The following FGF14 variants were observed in gnomAD, a reference collection of about 807,000 sequenced individuals.
FGF14 encodes the protein fibroblast growth factor homologous factor 4.
Under a neutral mutation model 25.5 loss-of-function variants are expected in FGF14, and 5 were observed. That is an observed-to-expected ratio of 0.20 (90% CI 0.10 to 0.41). The LOEUF (loss-of-function observed/expected upper bound fraction) is 0.41, where lower values mean the gene tolerates loss of function less well. Ranked by LOEUF, FGF14 falls within the 10% of genes least tolerant of loss-of-function variation. The pLI, the probability that FGF14 is intolerant of heterozygous loss-of-function variation, is 1.00. For synonymous variants in FGF14, 138 were observed against 118.3 expected, an observed-to-expected ratio of 1.17 and a Z score of -1.08; for missense variants, 222 against 320.1, an observed-to-expected ratio of 0.69 and a Z score of 2.34.
rs146711462 is a variant in FGF14, at chr13:101,788,490, G to A, written c.409-61680C>T. 2.7e-3 allele frequency among the ~76,000 whole-genome samples: 409 copies of A among 152,208 alleles called. 3 individuals carry two copies. The highest frequency in any genetic ancestry group is 9.3e-3 in the African/African-American group (388 of 41,554). On this transcript the variant is annotated intron_variant, in intron 3 of 4. Coordinates refer to ENST00000376143, the MANE Select transcript of FGF14 (RefSeq NM_004115.4). The stretch of plus-strand genomic sequence containing the variant: ...GAAATATCTGCTAGTATAATAAAAA[G>A]AGGCAGTTTTGAGATAGAATGCTGG...
intron 1 of FGF14, among the ~76,000 whole-genome samples, chr13:102,047,998 G>A (rs1187750530): frequency 1.1e-4 from 16 of 150,636 alleles, no homozygotes; most frequent in East Asian, 7.8e-4. Context: ...TTCTAAGCCC[G>A]GTTTATTATC....
In FGF14 at chr13:102,161,658, GA is replaced by G. The variant is rs1237708627; in HGVS notation, c.208+239812del. ...AGAAGAAGAAGAAGAAGAAGAAGAA[GA>G]AGAAGAAGAAGAAGAAGAAGAAGAA... On this transcript the variant is annotated intron_variant, in intron 1 of 4. Coordinates refer to the FGF14 transcript ENST00000376131. Among the ~76,000 whole-genome samples the G allele has an allele frequency of 3.9e-4, 8 of 20,548 alleles. 1 individual carries two copies. The highest frequency in any genetic ancestry group is 3.2e-3 in the South Asian group (2 of 626). The allele number at this position is 20,548 out of a possible 152,430, so 13.5% of individuals were successfully genotyped here.
upstream of FGF14, among the ~76,000 whole-genome samples, chr13:101,921,930 T>C (rs955816908): frequency 3.9e-5 from 6 of 152,226 alleles, no homozygotes; most frequent in Non-Finnish European, 5.9e-5. Context: ...GCTTTATGGT[T>C]CTACATAGCA....
At chr13:102,295,845 G>T (rs1228945700) in intron 1 of FGF14, among the ~76,000 whole-genome samples, 9 of 152,140 alleles carry the variant, frequency 5.9e-5, no homozygotes, top group Non-Finnish European at 1.0e-4. Flanking sequence ...ACACCATTCA[G>T]CAGCTCTGGG....
chr13:102,207,909 A>T (rs982238541), intron 1 of FGF14, among the ~76,000 whole-genome samples: 2 of 152,162 alleles, frequency 1.3e-5, no homozygotes, highest in African/African-American at 4.8e-5. Flanking sequence ...ATTCCACTAA[A>T]TCACATCAGC....
At chr13:101,949,735 T>C (rs2036036903) in intron 1 of FGF14, among the ~76,000 whole-genome samples, 1 of 152,122 alleles carries the variant, frequency 6.6e-6, no homozygotes, top group Non-Finnish European at 1.5e-5. Context: ...ATACACTAAG[T>C]TTTCACCAAG....
At chr13:102,344,301 T>C (rs2057038785) in intron 1 of FGF14, among the ~76,000 whole-genome samples, 1 of 152,218 alleles carries the variant, frequency 6.6e-6, no homozygotes, top group South Asian at 2.1e-4. Context: ...TCTTAAGGAA[T>C]CTGAATTAAA....
At chr13:102,007,276 T>A (rs1484133815) in intron 1 of FGF14, among the ~76,000 whole-genome samples, 1 of 152,190 alleles carries the variant, frequency 6.6e-6, no homozygotes, top group Non-Finnish European at 1.5e-5. Flanking sequence ...TGTGATGATC[T>A]CCCTCTGAAT....
chr13:102,260,575 T>G (rs1390661731), intron 1 of FGF14, among the ~76,000 whole-genome samples: 1 of 152,250 alleles, frequency 6.6e-6, no homozygotes, highest in Non-Finnish European at 1.5e-5. Flanking sequence ...AACATGCTAA[T>G]AGGGTGACTA....
In FGF14 at chr13:101,737,246, A is replaced by G. The variant is rs538134659; in HGVS notation, c.409-10436T>C. Among the ~76,000 whole-genome samples, 3 of 152,096 alleles carry G rather than the reference A, an allele frequency of 2.0e-5. No individual in the cohort carries two copies. The East Asian group carries it at 5.8e-4, about 30-fold the overall frequency. Reference sequence around the variant, plus strand: ...ACAAATACCTGTGTTCTTAGTAATAACGGTTTTAATGGTGGCGATTATCAT... The same window carrying G: ...ACAAATACCTGTGTTCTTAGTAATAGCGGTTTTAATGGTGGCGATTATCAT... On this transcript the variant is annotated intron_variant, in intron 3 of 4. Transcript: ENST00000376143.
intron 1 of FGF14, among the ~76,000 whole-genome samples, chr13:102,370,502 C>T (rs1258715717): frequency 1.3e-5 from 2 of 152,072 alleles, no homozygotes; most frequent in South Asian, 2.1e-4. Flanking sequence ...CCTCCCACCT[C>T]GGCCTCCTGA....
chr13:101,838,044 T>G (rs534274380), intron 3 of FGF14, among the ~76,000 whole-genome samples: 1 of 152,126 alleles, frequency 6.6e-6, no homozygotes, highest in East Asian at 1.9e-4. Flanking sequence ...CTCCAAGTTC[T>G]TCAGCTTTGG....
chr13:101,856,350 T>G (rs1254348883), intron 3 of FGF14, among the ~76,000 whole-genome samples: 5 of 152,012 alleles, frequency 3.3e-5, no homozygotes, highest in African/African-American at 4.8e-5. Flanking sequence ...GTGGCTACCA[T>G]TAAATGGGAG....
chr13:102,220,820 C>T (rs535588755), intron 1 of FGF14, among the ~76,000 whole-genome samples: 2 of 152,332 alleles, frequency 1.3e-5, no homozygotes, highest in South Asian at 4.1e-4. Context: ...TAACATCAGC[C>T]CGGCTGGCTC....
chr13:102,268,336 A>G (rs2053090081), intron 1 of FGF14, among the ~76,000 whole-genome samples: 1 of 152,158 alleles, frequency 6.6e-6, no homozygotes, highest in Non-Finnish European at 1.5e-5. Flanking sequence ...ATTGTAAAAA[A>G]CAATAAGGAA....
At chr13:102,111,748 A>G (rs1302716498) in intron 1 of FGF14, among the ~76,000 whole-genome samples, 1 of 149,000 alleles carries the variant, frequency 6.7e-6, no homozygotes, top group Non-Finnish European at 1.5e-5. Context: ...AGTCTCATGT[A>G]CAAAGAATTT....
intron 1 of FGF14, among the ~76,000 whole-genome samples, chr13:101,880,548 A>G (rs1021074213): frequency 1.3e-5 from 2 of 152,198 alleles, no homozygotes; most frequent in Non-Finnish European, 2.9e-5. Flanking sequence ...CTGGGCAACA[A>G]GAGCAAAACT....
At chr13:102,200,596 G>T (rs1038083196) in intron 1 of FGF14, among the ~76,000 whole-genome samples, 2 of 146,874 alleles carry the variant, frequency 1.4e-5, no homozygotes, top group Non-Finnish European at 3.0e-5. Flanking sequence ...GGGAAATGCA[G>T]GTCTTCTCAT....
At chr13:101,819,682 C>T (rs1448672594) in intron 3 of FGF14, among the ~76,000 whole-genome samples, 4 of 152,160 alleles carry the variant, frequency 2.6e-5, no homozygotes, top group Admixed American at 6.5e-5. Flanking sequence ...AAGGTATCTC[C>T]TATTTTCTAG....
Sources: gnomAD v4.1 joint callset for allele counts (sites outside exome capture counted in the v4.1 genomes callset) on GRCh38, gnomAD v4.1.1 for gene constraint, MANE v1.5 for transcripts, NCBI Gene and HGNC (gene_info 2026-07-23, HGNC 2026-07-21) for gene names.